The following HEXB variants were observed in gnomAD, a reference collection of about 807,000 sequenced individuals.
The protein encoded by HEXB is hexosaminidase subunit beta.
Under a neutral mutation model 71.2 loss-of-function variants are expected in HEXB, and 51 were observed. The observed-to-expected ratio is 0.72, with a 90% CI of 0.57 to 0.90. The LOEUF (loss-of-function observed/expected upper bound fraction) is 0.90, where lower values mean the gene tolerates loss of function less well. HEXB is among the 40% of genes least tolerant of loss of function. The probability of loss-of-function intolerance (pLI) is 0.00; values close to 1 mark genes in which losing one functional copy is unlikely to be tolerated. For synonymous variants in HEXB, 266 were observed against 249.3 expected (o/e 1.07, Z -0.63); for missense variants, 617 against 677.0 (o/e 0.91, Z 0.98).
intron 2 of HEXB, 185 bp from the exon 3 acceptor site, chr5:74,693,454 C>T: frequency 3.0e-6 from 2 of 657,396 alleles, no homozygotes; most frequent in South Asian, 1.7e-5. Context: ...TCTGTTGGGG[C>T]ATGTGGAGTC....
intron 2 of HEXB, 125 bp from the exon 3 acceptor site, chr5:74,693,514 G>A (rs1401753700): frequency 1.3e-6 from 1 of 764,450 alleles, no homozygotes; most frequent in African/African-American, 1.7e-5. Context: ...GGCAGTTAGA[G>A]AAATAGGTCA....
At chr5:74,656,890 G>C (rs1425151723) in intron 1 of HEXB, among the ~76,000 whole-genome samples, 3 of 152,196 alleles carry the variant, frequency 2.0e-5, no homozygotes, top group Non-Finnish European at 4.4e-5. Flanking sequence ...GGGATTACAG[G>C]TGTGAGCCAC....
chr5:74,667,848 T>C (rs1199808999), intron 1 of HEXB, among the ~76,000 whole-genome samples: 1 of 152,206 alleles, frequency 6.6e-6, no homozygotes, highest in Non-Finnish European at 1.5e-5. Context: ...GAGTCACTAA[T>C]CATCCCTAAG....
intron 1 of HEXB, among the ~76,000 whole-genome samples, chr5:74,666,144 A>C (rs977509552): frequency 6.6e-6 from 1 of 152,196 alleles, no homozygotes; most frequent in Non-Finnish European, 1.5e-5. Context: ...AAGCCCATTT[A>C]TTTCCAGGGG....
intron 2 of HEXB, 86 bp downstream of exon 2, chr5:74,689,559 C>A: frequency 1.9e-6 from 2 of 1,044,630 alleles, no homozygotes; most frequent in Non-Finnish European, 3.0e-6. Flanking sequence ...ATGCTAGGAA[C>A]CACTGAGTTC....
intron 1 of HEXB, among the ~76,000 whole-genome samples, chr5:74,666,827 TAG>T (rs915946066): frequency 6.6e-6 from 1 of 151,762 alleles, no homozygotes; most frequent in Non-Finnish European, 1.5e-5. Context: ...CACACACATA[TAG>T]AGAGAGAGAA....
intron 3 of HEXB, 52 bp downstream of exon 3, chr5:74,693,756 T>A: frequency 7.6e-7 from 1 of 1,317,608 alleles, no homozygotes; most frequent in South Asian, 1.2e-5. Flanking sequence ...AAATTTTCAG[T>A]TGGTGCTTTG....
At chr5:74,645,284 G>A (rs7705647) in intron 1 of HEXB, among the ~76,000 whole-genome samples, 5 of 152,190 alleles carry the variant, frequency 3.3e-5, no homozygotes, top group East Asian at 1.9e-4. Context: ...TCACTGCAGC[G>A]TATAACTCCT....
intron 5 of HEXB, among the ~76,000 whole-genome samples, chr5:74,702,067 CTTTTTTTTTTTT>C (rs60295789): frequency 1.1e-3 from 65 of 60,592 alleles, no homozygotes; most frequent in African/African-American, 3.9e-3. Flanking sequence ...CTTTCCTTGT[CTTTTTTTTTTTT>C]TTTTTTTTTT....
chr5:74,666,657 G>C (rs1485425448), intron 1 of HEXB, among the ~76,000 whole-genome samples: 2 of 152,176 alleles, frequency 1.3e-5, no homozygotes, highest in Non-Finnish European at 2.9e-5. Flanking sequence ...TAGCAGAGCT[G>C]GCCTTGGCAG....
At chr5:74,644,673 C>T (rs1747967732) in intron 1 of HEXB, among the ~76,000 whole-genome samples, 1 of 151,520 alleles carries the variant, frequency 6.6e-6, no homozygotes, top group Admixed American at 6.6e-5. Flanking sequence ...TTTTGGTTTG[C>T]CATCTTCTAT....
chr5:74,678,310 A>C (rs1048649717), intron 1 of HEXB, among the ~76,000 whole-genome samples: 1 of 142,166 alleles, frequency 7.0e-6, no homozygotes, highest in African/African-American at 3.0e-5. Flanking sequence ...TAAATAAATA[A>C]ATAAATAAAT....
At position 74,641,653 on chromosome 5, in the gene HEXB, C is replaced by A. The variant is rs1189379407; in HGVS notation, c.-377+1095C>A. Among the ~76,000 whole-genome samples the A allele has an allele frequency of 6.6e-6, 1 of 152,218 alleles. No homozygotes were observed. The highest frequency in any genetic ancestry group is 1.5e-5 in the Non-Finnish European group (1 of 68,032). The stretch of plus-strand genomic sequence containing the variant: ...AAAGAAATGGCCCAGCACACACACA[C>A]GTTTAATAGTCCCGCGTGTCAGGAG... On this transcript the variant is annotated intron_variant, in intron 1 of 13. Transcript: ENST00000511181. This position sits in a 1 kb window ranked among gnomAD's most constrained non-coding sequence, Gnocchi z 4.1.
At chr5:74,655,453 C>T (rs1181829440) in intron 1 of HEXB, among the ~76,000 whole-genome samples, 1 of 151,314 alleles carries the variant, frequency 6.6e-6, no homozygotes, top group Admixed American at 6.6e-5. Flanking sequence ...GGTGAGATTA[C>T]AGGCCTGCAC....
chr5:74,710,971 T>C (rs1227663774), intron 6 of HEXB, among the ~76,000 whole-genome samples: 2 of 151,270 alleles, frequency 1.3e-5, no homozygotes, highest in South Asian at 4.2e-4. Flanking sequence ...GAGCCCACAT[T>C]ACCAAGTCAA....
Position 74,652,397 on chromosome 5 carries a change from C to T in HEXB, c.-377+11839C>T, listed in dbSNP as rs114612966. The stretch of plus-strand genomic sequence containing the variant: ...CACGTGTCCAGCAAGCAAGCCACTC[C>T]TGAATACACAGTAGCCGTTTGCCTT... On this transcript the variant is annotated intron_variant, in intron 1 of 13. Coordinates refer to the HEXB transcript ENST00000511181. This position sits in a 1 kb window ranked among gnomAD's most constrained non-coding sequence, Gnocchi z 5.4. Among the ~76,000 whole-genome samples the T allele has an allele frequency of 0.014, 2,192 of 152,318 alleles. 56 individuals are homozygous for T. Among genetic ancestry groups the T allele is most frequent in the African/African-American group, 0.05 (2,097 of 41,554 alleles).
At chr5:74,650,404 G>C (rs1488806915) in intron 1 of HEXB, among the ~76,000 whole-genome samples, 2 of 152,118 alleles carry the variant, frequency 1.3e-5, no homozygotes, top group Non-Finnish European at 2.9e-5. Flanking sequence ...GCAACAAATT[G>C]GTAAGATTTA....
At chr5:74,683,399 G>T (rs1212140175), upstream of HEXB, among the ~76,000 whole-genome samples, 1 of 151,968 alleles carries the variant, frequency 6.6e-6, no homozygotes, top group African/African-American at 2.4e-5. Context: ...TGCCTCCCAG[G>T]TTCAAGTGAT....
chr5:74,661,511 C>CTG lies in HEXB; in HGVS notation c.-377+20954_-377+20955insGT, dbSNP rs1478195245. ...GAAGTCATGAATTCATTTTCTCTCT[C>CTG]TCTGTGTGTGTGTGTGTGTGTGTGT... is the stretch of plus-strand genomic sequence containing the variant. On this transcript the variant is annotated intron_variant, in intron 1 of 13. Transcript: ENST00000511181. Among the ~76,000 whole-genome samples, 241 of 127,768 alleles carry CTG rather than the reference C, an allele frequency of 1.9e-3. 1 individual carries two copies. The highest frequency in any genetic ancestry group is 0.01 in the East Asian group (42 of 4,172). 83.8% of individuals were successfully genotyped at this position (127,768 alleles called of 152,430 possible).
Sources: gnomAD v4.1 joint callset for allele counts (sites outside exome capture counted in the v4.1 genomes callset) on GRCh38, gnomAD v4.1.1 for gene constraint, Gnocchi (gnomAD v3.1) non-coding constraint, MANE v1.5 for transcripts, NCBI Gene and HGNC (gene_info 2026-07-23, HGNC 2026-07-21) for gene names.